The following GTF2A1L variants were observed in gnomAD, a reference collection of about 807,000 sequenced individuals.
The protein encoded by GTF2A1L is TFIIA-alpha and beta-like factor.
A neutral mutation model predicts 49.7 loss-of-function variants in GTF2A1L; 48 were observed. The ratio of observed to expected loss-of-function variants is 0.97; its 90% CI spans 0.77 to 1.23. The LOEUF is 1.23. Among genes scored for constraint, GTF2A1L ranks in the 50% most tolerant of loss-of-function variants. GTF2A1L has a pLI of 0.00. For synonymous variants in GTF2A1L, 246 were observed against 193.5 expected, an observed-to-expected ratio of 1.27 and a Z score of -2.25; for missense variants, 736 against 564.8, an observed-to-expected ratio of 1.30 and a Z score of -3.07.
At chr2:48,618,872 T>C (rs1675813886) in intron 1 of GTF2A1L, among the ~76,000 whole-genome samples, 1 of 152,174 alleles carries the variant, frequency 6.6e-6, no homozygotes. Flanking sequence ...AATACCTATT[T>C]TGATTTCTGA....
intron 1 of GTF2A1L, 121 bp downstream of exon 1, chr2:48,618,016 T>C: frequency 1.0e-6 from 1 of 1,000,884 alleles, no homozygotes; most frequent in East Asian, 2.7e-5. Context: ...ACCCTCTCTC[T>C]TCCTTAGGGG....
At chr2:48,623,117 A>C (rs1676101291) in intron 3 of GTF2A1L, among the ~76,000 whole-genome samples, 1 of 152,178 alleles carries the variant, frequency 6.6e-6, no homozygotes, top group Non-Finnish European at 1.5e-5. Context: ...AAAGTGCTTT[A>C]TAGGCTTGTT....
Position 48,621,229 on chromosome 2 carries a change from A to G in GTF2A1L, c.186A>G (p.Gln62=), listed in dbSNP as rs993156796. Residue 62 remains glutamine (Q), a synonymous_variant, in exon 3 of 9, where the codon CAA becomes CAG. Coordinates refer to ENST00000403751, the MANE Select transcript of GTF2A1L (RefSeq NM_006872.5). The stretch of plus-strand genomic sequence containing the variant: ...AAGACTTCTTCAGAAATAGCATCCA[A>G]TCACCTCTGTTTACTCTTCAGTTGC... ...ATEDFFRNSI[Q]SPLFTLQLPH... The G allele has an allele frequency of 8.7e-6, 14 of 1,614,022 alleles. No homozygotes were observed. The highest frequency in any genetic ancestry group is 3.3e-5 in the South Asian group (3 of 91,082).
rs1426792942 is a variant in GTF2A1L, at chr2:48,647,049, T to C, written c.978+7T>C. 6.3e-7 allele frequency: 1 copy of C among 1,576,564 alleles called. No homozygotes were observed. The highest frequency in any genetic ancestry group is 8.6e-7 in the Non-Finnish European group (1 of 1,162,480). On this transcript the variant is annotated splice_region_variant and intron_variant, in intron 6 of 8. Coordinates refer to ENST00000403751, the MANE Select transcript of GTF2A1L (RefSeq NM_006872.5). Reference sequence around the variant, plus strand: ...CATACCTGTATCAGAGAAGGTATAGTTCTGTGTCCAACTTCTTGGTATCAG... The same window carrying C: ...CATACCTGTATCAGAGAAGGTATAGCTCTGTGTCCAACTTCTTGGTATCAG...
At chr2:48,656,981 C>G (rs1298589172) in intron 6 of GTF2A1L, among the ~76,000 whole-genome samples, 1 of 152,126 alleles carries the variant, frequency 6.6e-6, no homozygotes, top group African/African-American at 2.4e-5. Context: ...TCTTGTTACC[C>G]TTATGGAAAA....
At chr2:48,636,895 C>T (rs1330471592) in intron 3 of GTF2A1L, among the ~76,000 whole-genome samples, 3 of 152,168 alleles carry the variant, frequency 2.0e-5, no homozygotes, top group Admixed American at 2.0e-4. Flanking sequence ...TGTATTTGGT[C>T]TTCATGTCAC....
chr2:48,658,130 T>C (rs935988012), intron 6 of GTF2A1L, among the ~76,000 whole-genome samples: 6 of 152,192 alleles, frequency 3.9e-5, no homozygotes, highest in African/African-American at 1.4e-4. Flanking sequence ...TCAATTATTG[T>C]TTTTGTTGCA....
intron 6 of GTF2A1L, among the ~76,000 whole-genome samples, chr2:48,651,720 A>ATTGGG (rs1349397786): frequency 1.3e-5 from 2 of 152,208 alleles, no homozygotes; most frequent in East Asian, 3.8e-4. Flanking sequence ...ATTTATCAAA[A>ATTGGG]AATGTAGGCA....
intron 8 of GTF2A1L, among the ~76,000 whole-genome samples, chr2:48,675,419 T>G (rs1679412480): frequency 6.6e-6 from 1 of 152,074 alleles, no homozygotes; most frequent in South Asian, 2.1e-4. Flanking sequence ...ACAGATGGAA[T>G]TTATCTTTAA....
chr2:48,666,841 A>AT (rs1179700862), intron 6 of GTF2A1L, among the ~76,000 whole-genome samples: 6 of 151,178 alleles, frequency 4.0e-5, no homozygotes, highest in Non-Finnish European at 7.4e-5. Context: ...TTGTTCATGG[A>AT]TTTTTTTCCA....
chr2:48,631,424 A>G (rs1347949802), intron 3 of GTF2A1L, among the ~76,000 whole-genome samples: 1 of 152,124 alleles, frequency 6.6e-6, no homozygotes, highest in Non-Finnish European at 1.5e-5. Flanking sequence ...AGGTATTCTA[A>G]TAGTATCTGA....
At position 48,679,524 on chromosome 2, in the gene GTF2A1L, T is replaced by G; in HGVS notation, c.*82T>G. ...TGTGAATTCATTTTTATTTTGAATA[T>G]AGTCCAGCACAGAGCTGTTCAAATT... On this transcript the variant is annotated 3_prime_UTR_variant, in exon 9 of 9. Coordinates refer to ENST00000403751, the MANE Select transcript of GTF2A1L (RefSeq NM_006872.5). 6.3e-7 allele frequency: 1 copy of G among 1,581,938 alleles called. No individual in the cohort carries two copies. Among genetic ancestry groups the G allele is most frequent in the South Asian group, 1.2e-5 (1 of 85,162 alleles).
At chr2:48,637,239 T>C (rs1676942256) in intron 3 of GTF2A1L, among the ~76,000 whole-genome samples, 1 of 152,138 alleles carries the variant, frequency 6.6e-6, no homozygotes, top group Non-Finnish European at 1.5e-5. Flanking sequence ...TCAAAGAAGA[T>C]CCAAGAATCA....
At chr2:48,653,029 A>T (rs995061370) in intron 6 of GTF2A1L, among the ~76,000 whole-genome samples, 10 of 151,912 alleles carry the variant, frequency 6.6e-5, no homozygotes, top group Non-Finnish European at 1.3e-4. Context: ...GGAGATCAAG[A>T]TCATTCTGGC....
At chr2:48,649,758 CTA>C (rs1316623277) in intron 6 of GTF2A1L, among the ~76,000 whole-genome samples, 1 of 152,134 alleles carries the variant, frequency 6.6e-6, no homozygotes, top group Non-Finnish European at 1.5e-5. Flanking sequence ...TGCCCTTCAC[CTA>C]TAATAAATAA....
chr2:48,663,051 C>A (rs979293571), intron 6 of GTF2A1L, among the ~76,000 whole-genome samples: 2 of 151,824 alleles, frequency 1.3e-5, no homozygotes, highest in African/African-American at 4.8e-5. Flanking sequence ...TACATATACC[C>A]CTGAACTTAA....
rs1259695971 is a variant in GTF2A1L, at chr2:48,625,292, TA to T, written c.247+4003del. On this transcript the variant is annotated intron_variant, in intron 3 of 8. Transcript: ENST00000403751. Reference sequence around the variant, plus strand: ...TTGATATCTTAATGCAGTTTTGACTTATATTCCTCTGATGAATAGTGATGTT... The same window carrying T: ...TTGATATCTTAATGCAGTTTTGACTTTATTCCTCTGATGAATAGTGATGTT... Among the ~76,000 whole-genome samples the T allele has an allele frequency of 2.1e-5, 3 of 143,892 alleles. 1 individual carries two copies. The highest frequency in any genetic ancestry group is 4.7e-5 in the Non-Finnish European group (3 of 63,918). 94.4% of individuals were successfully genotyped at this position (143,892 alleles called of 152,430 possible). A position where few individuals can be genotyped will look rare whatever the true frequency, so the allele number is the denominator to read the frequency against.
At chr2:48,635,822 A>G (rs990340261) in intron 3 of GTF2A1L, among the ~76,000 whole-genome samples, 2 of 151,930 alleles carry the variant, frequency 1.3e-5, no homozygotes, top group African/African-American at 4.8e-5. Flanking sequence ...GCTTGGTCCT[A>G]TGTCTGGGAA....
chr2:48,665,775 G>A (rs1471236652), intron 6 of GTF2A1L, among the ~76,000 whole-genome samples: 4 of 151,996 alleles, frequency 2.6e-5, no homozygotes, highest in Non-Finnish European at 5.9e-5. Flanking sequence ...GAAGCTATTT[G>A]GCTATTTTTG....
Sources: gnomAD v4.1 joint callset for allele counts (sites outside exome capture counted in the v4.1 genomes callset) on GRCh38, gnomAD v4.1.1 for gene constraint, MANE v1.5 for transcripts, NCBI Gene and HGNC (gene_info 2026-07-23, HGNC 2026-07-21) for gene names.